FOXP2: variants seen among roughly 807,000 people sequenced by gnomAD.
FOXP2 encodes the protein forkhead box protein P2.
A neutral mutation model predicts 115.8 loss-of-function variants in FOXP2; 12 were observed. That is an observed-to-expected ratio of 0.10 (90% CI 0.07 to 0.17). The LOEUF is 0.17. FOXP2 is among the 10% of genes least tolerant of loss of function. The pLI, the probability that FOXP2 is intolerant of heterozygous loss-of-function variation, is 1.00. For synonymous variants in FOXP2, 328 were observed against 297.7 expected (o/e 1.10, Z -1.05); for missense variants, 629 against 843.5 (o/e 0.75, Z 3.15).
chr7:114,499,280 ATTAATTAAGTACAGGG>A (rs1428119314), intron 2 of FOXP2: 1 of 195,692 alleles, frequency 5.1e-6, no homozygotes, highest in Non-Finnish European at 1.0e-5. Flanking sequence ...TCTAACTTTG[ATTAATTAAGTACAGGG>A]TTATTGCTGA....
At chr7:114,154,340 T>A (rs935929372) in intron 1 of FOXP2, among the ~76,000 whole-genome samples, 3 of 152,030 alleles carry the variant, frequency 2.0e-5, no homozygotes, top group African/African-American at 7.2e-5. Flanking sequence ...GGTGGGTTTT[T>A]TTTTTCCACC....
intron 3 of FOXP2, among the ~76,000 whole-genome samples, chr7:114,585,068 G>T (rs995380742): frequency 6.6e-6 from 1 of 152,158 alleles, no homozygotes; most frequent in South Asian, 2.1e-4. Context: ...GAGTGAAACT[G>T]TAAGCAATAT....
chr7:114,450,413 C>G (rs887686537), intron 2 of FOXP2, among the ~76,000 whole-genome samples: 2 of 151,960 alleles, frequency 1.3e-5, no homozygotes, highest in African/African-American at 4.8e-5. Flanking sequence ...TGAATAAGAA[C>G]AGATCAGAAT....
chr7:114,684,251 G>A (rs1404906959), intron 16 of FOXP2, among the ~76,000 whole-genome samples: 2 of 152,136 alleles, frequency 1.3e-5, no homozygotes, highest in Non-Finnish European at 2.9e-5. Flanking sequence ...AACCCAGAAA[G>A]GTTAACCCAA....
intron 1 of FOXP2, among the ~76,000 whole-genome samples, chr7:114,250,801 A>G (rs1352818775): frequency 2.0e-5 from 3 of 152,078 alleles, no homozygotes. Flanking sequence ...CTTTAGTTTA[A>G]TTAGATCCTA....
intron 3 of FOXP2, among the ~76,000 whole-genome samples, chr7:114,596,046 C>T (rs755692489): frequency 1.4e-4 from 22 of 152,188 alleles, no homozygotes; most frequent in African/African-American, 5.3e-4. Flanking sequence ...TGTCCCACAT[C>T]TGAACAGGTC....
rs543227771 is a variant in FOXP2 at position 114,445,194 on chromosome 7, C to A, written c.168+18515C>A. 2.6e-5 allele frequency among the ~76,000 whole-genome samples: 4 copies of A among 152,246 alleles called. No individual in the cohort carries two copies. The East Asian group carries it at 7.7e-4, about 29-fold the overall frequency. On this transcript the variant is annotated intron_variant, in intron 2 of 16. Transcript: ENST00000350908. The stretch of plus-strand genomic sequence containing the variant: ...GGGATCAGATACTATTTATCTGACA[C>A]TGCTGTACTTTGGATTATCTGTGTA...
chr7:114,483,656 CG>C (rs1270706436), intron 2 of FOXP2, among the ~76,000 whole-genome samples: 2 of 151,612 alleles, frequency 1.3e-5, no homozygotes, highest in Non-Finnish European at 3.0e-5. Flanking sequence ...ATGATACTGA[CG>C]TTTTTTAAAA....
chr7:114,294,873 T>C (rs1796701795), intron 2 of FOXP2, among the ~76,000 whole-genome samples: 1 of 151,540 alleles, frequency 6.6e-6, no homozygotes, highest in African/African-American at 2.4e-5. Flanking sequence ...AATACATACA[T>C]ACATACATAC....
intron 1 of FOXP2, among the ~76,000 whole-genome samples, chr7:114,178,338 T>C (rs1793371585): frequency 1.3e-5 from 2 of 151,916 alleles, no homozygotes; most frequent in South Asian, 4.1e-4. Context: ...GTTATTTTTT[T>C]CCTATATTAC....
chr7:114,231,688 G>C (rs905972057), intron 1 of FOXP2, among the ~76,000 whole-genome samples: 1 of 152,150 alleles, frequency 6.6e-6, no homozygotes, highest in Admixed American at 6.6e-5. Flanking sequence ...AATGAAATTG[G>C]ATTCTTATAC....
chr7:114,495,704 G>A (rs1288050743), intron 2 of FOXP2, among the ~76,000 whole-genome samples: 2 of 151,216 alleles, frequency 1.3e-5, no homozygotes, highest in Admixed American at 6.6e-5. Context: ...ACAGGTTTTC[G>A]CCATGTTGGC....
intron 1 of FOXP2, among the ~76,000 whole-genome samples, chr7:114,260,005 T>C (rs1174164409): frequency 6.6e-6 from 1 of 152,082 alleles, no homozygotes. Flanking sequence ...TTCTCTTGCC[T>C]CAGCCTTCAG....
At chr7:114,271,921 T>C (rs1370083465) in intron 1 of FOXP2, among the ~76,000 whole-genome samples, 2 of 129,452 alleles carry the variant, frequency 1.5e-5, no homozygotes, top group Non-Finnish European at 3.1e-5. Context: ...AATTATAATA[T>C]AATTATTATA....
chr7:114,182,308 G>C (rs1451515533), intron 1 of FOXP2, among the ~76,000 whole-genome samples: 1 of 151,722 alleles, frequency 6.6e-6, no homozygotes, highest in African/African-American at 2.4e-5. Flanking sequence ...GGAACCAACT[G>C]TTTAGTACTA....
chr7:114,495,569 A>G (rs1006998835), intron 2 of FOXP2, among the ~76,000 whole-genome samples: 5 of 135,152 alleles, frequency 3.7e-5, no homozygotes, highest in Non-Finnish European at 7.6e-5. Flanking sequence ...GCAATGTTGC[A>G]ATCTCAGCTC....
rs368923204 is a variant in FOXP2 at position 114,176,298 on chromosome 7, T to TTCTTTCTCTCTCTC, written c.-102+13213_-102+13214insTTCTCTCTCTCTCT. Among the ~76,000 whole-genome samples, 613 of 76,544 alleles carry TTCTTTCTCTCTCTC rather than the reference T, an allele frequency of 8.0e-3. 11 individuals are homozygous for TTCTTTCTCTCTCTC. Among genetic ancestry groups the TTCTTTCTCTCTCTC allele is most frequent in the African/African-American group, 0.03 (546 of 18,488 alleles). 50.2% of individuals were successfully genotyped at this position (76,544 alleles called of 152,430 possible). A position where few individuals can be genotyped will look rare whatever the true frequency, so the allele number is the denominator to read the frequency against. ...TTTCTTTCTTTCTTTCTTTCTTTCT[T>TTCTTTCTCTCTCTC]TCTCTCTCTCTCTCTCTCTCTCTTT... On this transcript the variant is annotated intron_variant, in intron 1 of 17. Transcript: ENST00000634411.
intron 2 of FOXP2, among the ~76,000 whole-genome samples, chr7:114,433,987 A>G (rs891995554): frequency 1.3e-5 from 2 of 152,084 alleles, no homozygotes; most frequent in Admixed American, 6.6e-5. Context: ...TATGGCTGCA[A>G]TATATTGAAA....
At chr7:114,643,093 G>A (rs1373085656) in intron 7 of FOXP2, among the ~76,000 whole-genome samples, 3 of 151,800 alleles carry the variant, frequency 2.0e-5, no homozygotes, top group Admixed American at 1.3e-4. Context: ...TTACAGGCGT[G>A]AGCCACCGTG....
Sources: allele counts gnomAD v4.1 joint callset (sites outside exome capture counted in the v4.1 genomes callset), GRCh38; gene constraint gnomAD v4.1.1; transcripts MANE v1.5; gene names NCBI Gene and HGNC (gene_info 2026-07-23, HGNC 2026-07-21).